SYTL3: variants seen among roughly 807,000 people sequenced by gnomAD.
The protein encoded by SYTL3 is synaptotagmin-like protein 3.
Under a neutral mutation model 82.1 loss-of-function variants are expected in SYTL3, and 88 were observed. That is an observed-to-expected ratio of 1.07 (90% CI 0.90 to 1.28). The LOEUF is 1.28. Among genes scored for constraint, SYTL3 ranks in the 50% most tolerant of loss-of-function variants. The pLI is 0.00. For missense variants in SYTL3, 831 were observed against 757.6 expected, an observed-to-expected ratio of 1.10 and a Z score of -1.14; for synonymous variants, 311 against 289.4, an observed-to-expected ratio of 1.07 and a Z score of -0.76.
intron 6 of SYTL3, among the ~76,000 whole-genome samples, chr6:158,703,244 C>T (rs1235948426): frequency 2.6e-5 from 4 of 151,788 alleles, no homozygotes; most frequent in African/African-American, 4.8e-5. Context: ...CCGTGCCTGG[C>T]AGACACGGCT....
At position 158,751,915 on chromosome 6, in the gene SYTL3, G is replaced by A; in HGVS notation, c.1035-13G>A. ...TGAGTTCTCACTCTGTCCCCGCTGT[G>A]TTTGGCCCCTAGGTATGTGAAGACC... On this transcript the variant is annotated splice_polypyrimidine_tract_variant and intron_variant, in intron 12 of 17. Transcript: ENST00000611299. 6.3e-7 allele frequency: 1 copy of A among 1,592,530 alleles called. No homozygotes were observed. The highest frequency in any genetic ancestry group is 1.7e-5 in the Admixed American group (1 of 57,206).
At chr6:158,646,123 C>T (rs775400414), upstream of SYTL3, among the ~76,000 whole-genome samples, 7 of 152,124 alleles carry the variant, frequency 4.6e-5, no homozygotes, top group Non-Finnish European at 7.3e-5. Context: ...ACACAATTAA[C>T]ATTTATTTAT....
chr6:158,763,601 T>G, intron 17 of SYTL3, 92 bp downstream of exon 17: 1 of 1,150,260 alleles, frequency 8.7e-7, no homozygotes, highest in South Asian at 1.3e-5. Flanking sequence ...GGGCAGTGAC[T>G]TAACTGGTTT....
intron 6 of SYTL3, among the ~76,000 whole-genome samples, chr6:158,706,614 A>G (rs1782129979): frequency 6.6e-6 from 1 of 152,086 alleles, no homozygotes; most frequent in African/African-American, 2.4e-5. Context: ...GTCTCTTCCT[A>G]TGCATTTGGC....
At chr6:158,744,304 C>CTTTTTTTTTTTTTTT (rs869182913) in intron 11 of SYTL3, among the ~76,000 whole-genome samples, 2 of 99,208 alleles carry the variant, frequency 2.0e-5, no homozygotes, top group Admixed American at 1.4e-4. Flanking sequence ...CTTTTTCTTT[C>CTTTTTTTTTTTTTTT]TTTTTTTTTT....
intron 16 of SYTL3, among the ~76,000 whole-genome samples, chr6:158,762,488 C>T (rs1450026961): frequency 2.6e-5 from 4 of 152,126 alleles, no homozygotes; most frequent in African/African-American, 9.7e-5. Flanking sequence ...CTTGGACCAA[C>T]AGTAAAACGC....
chr6:158,700,049 A>G (rs1006966331), intron 6 of SYTL3, among the ~76,000 whole-genome samples: 7 of 152,026 alleles, frequency 4.6e-5, no homozygotes, highest in African/African-American at 2.4e-5. Flanking sequence ...TGAGGTCAGG[A>G]GTTCGAGACC....
At chr6:158,671,582 T>G (rs2128383758) in intron 5 of SYTL3, among the ~76,000 whole-genome samples, 1 of 151,800 alleles carries the variant, frequency 6.6e-6, no homozygotes, top group South Asian at 2.1e-4. Flanking sequence ...CTGGCCAACA[T>G]GGTGAAATCC....
chr6:158,710,876 G>A (rs1043121410), intron 8 of SYTL3, among the ~76,000 whole-genome samples: 4 of 151,946 alleles, frequency 2.6e-5, no homozygotes, highest in Non-Finnish European at 5.9e-5. Context: ...CACCTCCCGG[G>A]TTCAAGCGAT....
intron 11 of SYTL3, among the ~76,000 whole-genome samples, chr6:158,732,115 A>G (rs144583403): frequency 6.6e-6 from 1 of 152,344 alleles, no homozygotes; most frequent in African/African-American, 2.4e-5. Context: ...TGTCCTTCTG[A>G]AACAAAATCT....
intron 6 of SYTL3, among the ~76,000 whole-genome samples, chr6:158,700,709 T>C (rs541347695): frequency 3.8e-4 from 58 of 152,302 alleles, no homozygotes; most frequent in East Asian, 3.9e-4. Context: ...GTCCGCCTCC[T>C]GGGTTCATGC....
chr6:158,705,995 AG>A (rs1430849595), intron 6 of SYTL3, among the ~76,000 whole-genome samples: 3 of 151,970 alleles, frequency 2.0e-5, no homozygotes, highest in Admixed American at 6.6e-5. Context: ...GTTTTCTCTC[AG>A]GGGGCTCCTG....
intron 6 of SYTL3, among the ~76,000 whole-genome samples, chr6:158,699,920 C>T (rs989569327): frequency 3.3e-5 from 5 of 150,886 alleles, no homozygotes; most frequent in South Asian, 2.1e-4. Flanking sequence ...GCACTCCAGC[C>T]TGGGTGATGG....
At chr6:158,674,745 T>C (rs991325238) in intron 5 of SYTL3, among the ~76,000 whole-genome samples, 15 of 152,204 alleles carry the variant, frequency 9.9e-5, no homozygotes, top group Non-Finnish European at 1.9e-4. Flanking sequence ...TTATCTGATA[T>C]AACAGACCAG....
At chr6:158,702,326 C>CAAAAA (rs1193990568) in intron 6 of SYTL3, among the ~76,000 whole-genome samples, 2 of 70,652 alleles carry the variant, frequency 2.8e-5, no homozygotes, top group African/African-American at 4.7e-5. Flanking sequence ...GACTCTGTCT[C>CAAAAA]AAAAAAAAAA....
intron 11 of SYTL3, among the ~76,000 whole-genome samples, chr6:158,740,351 T>A (rs1026014284): frequency 2.0e-5 from 3 of 152,142 alleles, no homozygotes; most frequent in African/African-American, 7.2e-5. Flanking sequence ...CTGGAGAAAT[T>A]TCTATTTGAT....
intron 8 of SYTL3, 75 bp downstream of exon 8, chr6:158,708,466 G>C: frequency 7.0e-7 from 1 of 1,422,096 alleles, no homozygotes; most frequent in Non-Finnish European, 9.9e-7. Flanking sequence ...GAGCTTTCGA[G>C]GCTGAGGCCG....
At chr6:158,707,318 C>CG (rs1562402904) in intron 7 of SYTL3, 37 bp downstream of exon 7, 1 of 1,602,600 alleles carries the variant, frequency 6.2e-7, no homozygotes, top group Non-Finnish European at 8.5e-7. Context: ...CCTGGCCCTC[C>CG]GGGGCAGGAG....
chr6:158,706,334 A>G (rs1782089702), intron 6 of SYTL3, among the ~76,000 whole-genome samples: 1 of 152,158 alleles, frequency 6.6e-6, no homozygotes, highest in Non-Finnish European at 1.5e-5. Context: ...GCTTAACATC[A>G]CATGCTATTT....
Sources: gnomAD v4.1 joint callset for allele counts (sites outside exome capture counted in the v4.1 genomes callset) on GRCh38, gnomAD v4.1.1 for gene constraint, MANE v1.5 for transcripts, NCBI Gene and HGNC (gene_info 2026-07-23, HGNC 2026-07-21) for gene names.